GNB4: variants seen among roughly 807,000 people sequenced by gnomAD.
The protein encoded by GNB4 is G protein subunit beta 4.
Under a neutral mutation model 45.2 loss-of-function variants are expected in GNB4, and 28 were observed. The ratio of observed to expected loss-of-function variants is 0.62; its 90% CI spans 0.46 to 0.85. The LOEUF is 0.85. GNB4 is among the 40% of genes least tolerant of loss of function. The pLI, the probability that GNB4 is intolerant of heterozygous loss-of-function variation, is 0.00. For missense variants in GNB4, 321 were observed against 425.4 expected, an observed-to-expected ratio of 0.75 and a Z score of 2.16; for synonymous variants, 132 against 143.7, an observed-to-expected ratio of 0.92 and a Z score of 0.58.
intron 8 of GNB4, among the ~76,000 whole-genome samples, chr3:179,409,787 C>T (rs920074578): frequency 1.5e-5 from 2 of 137,720 alleles, no homozygotes; most frequent in Admixed American, 1.6e-4. Flanking sequence ...TCCAGCCTCG[C>T]AACAGAGCAA....
At chr3:179,524,548 G>A in the GNB4 span, among the ~76,000 whole-genome samples, 1 of 152,142 alleles carries the variant, frequency 6.6e-6, no homozygotes, top group East Asian at 1.9e-4. Flanking sequence ...TTGAAGGCGA[G>A]GTGAATTAAG....
At chr3:179,467,793 T>C in the GNB4 span, among the ~76,000 whole-genome samples, 1 of 151,950 alleles carries the variant, frequency 6.6e-6, no homozygotes, top group Non-Finnish European at 1.5e-5. Flanking sequence ...ATGAAACTGG[T>C]TTTTATCTTC....
intron 1 of GNB4, among the ~76,000 whole-genome samples, chr3:179,447,552 C>A (rs1400918494): frequency 4.6e-5 from 7 of 151,946 alleles, no homozygotes; most frequent in Admixed American, 4.6e-4. Context: ...TGGGTTCTGA[C>A]GACTGAGATA....
chr3:179,480,817 T>C, the GNB4 span, among the ~76,000 whole-genome samples: 107,736 of 150,844 alleles, frequency 0.71, 38,738 homozygotes, highest in East Asian at 0.98. Flanking sequence ...CTAAAATAAT[T>C]AGGACTCAAT....
intron 1 of GNB4, among the ~76,000 whole-genome samples, chr3:179,437,562 C>CA (rs113757674): frequency 0.23 from 34,038 of 145,016 alleles, 4,036 homozygotes; most frequent in East Asian, 0.36. Context: ...AAGTCTATCT[C>CA]AAAAAAAAAA....
chr3:179,407,320 G>A (rs934900808), intron 8 of GNB4, among the ~76,000 whole-genome samples: 9 of 152,086 alleles, frequency 5.9e-5, no homozygotes, highest in East Asian at 1.9e-4. Context: ...TTAGCACAGC[G>A]TGTTGGCGGG....
At chr3:179,439,670 G>C (rs530193478) in intron 1 of GNB4, among the ~76,000 whole-genome samples, 9 of 152,164 alleles carry the variant, frequency 5.9e-5, no homozygotes, top group South Asian at 4.1e-4. Flanking sequence ...TTCTTCTGCT[G>C]TATTTGTCTA....
At chr3:179,459,823 T>G in the GNB4 span, among the ~76,000 whole-genome samples, 18 of 152,304 alleles carry the variant, frequency 1.2e-4, no homozygotes, top group African/African-American at 4.1e-4. Flanking sequence ...AGTAAATGAA[T>G]GCCTCAGAAG....
chr3:179,473,274 T>C, the GNB4 span, among the ~76,000 whole-genome samples: 1 of 146,400 alleles, frequency 6.8e-6, no homozygotes, highest in African/African-American at 2.4e-5. Context: ...AAAGCCCATT[T>C]CTCTTACTGA....
the GNB4 span, among the ~76,000 whole-genome samples, chr3:179,497,475 A>G: frequency 6.6e-6 from 1 of 152,136 alleles, no homozygotes; most frequent in Admixed American, 6.5e-5. Flanking sequence ...CCAAAAGCAT[A>G]GGCAACAAAA....
intron 1 of GNB4, among the ~76,000 whole-genome samples, chr3:179,438,081 G>A (rs201233767): frequency 2.7e-5 from 4 of 146,590 alleles, no homozygotes; most frequent in African/African-American, 9.9e-5. Context: ...CAAAAAAAAA[G>A]AAAAAGAAAA....
At chr3:179,511,448 G>A in the GNB4 span, among the ~76,000 whole-genome samples, 2 of 152,182 alleles carry the variant, frequency 1.3e-5, no homozygotes, top group East Asian at 1.9e-4. Flanking sequence ...TTATTTGACA[G>A]ATGAATACAG....
chr3:179,447,952 C>A (rs1346772868), intron 1 of GNB4, among the ~76,000 whole-genome samples: 4 of 152,084 alleles, frequency 2.6e-5, no homozygotes, highest in African/African-American at 9.7e-5. Context: ...TCCCAGAAGC[C>A]AAGGGGAAAC....
rs1356707581 is a variant in GNB4, at chr3:179,431,039, TATC to T, written c.-42-4800_-42-4798del. On this transcript the variant is annotated intron_variant, in intron 1 of 9. Coordinates refer to ENST00000232564, the MANE Select transcript of GNB4 (RefSeq NM_021629.4). ...AATATCTACCAAACCACAATACTAT[TATC>T]ATAACTACCAAAATTAACAGAAATT... Among the ~76,000 whole-genome samples the T allele has an allele frequency of 2.6e-5, 4 of 152,162 alleles. No homozygotes were observed. In the South Asian group the frequency reaches 6.2e-4, roughly 24 times the overall value.
In GNB4 at chr3:179,413,429, CT is replaced by C; in HGVS notation, c.681del (p.Asp228IlefsTer49). ...MCRQSFTGHV[S>X]DINAVSFFPN... ...TCACTTACACTGACAGCATTGATAT[CT>C]GAGACATGTCCCGTGAAAGACTGTC... On this transcript the variant is annotated frameshift_variant, in exon 8 of 10. Coordinates refer to ENST00000232564, the MANE Select transcript of GNB4 (RefSeq NM_021629.4). LOFTEE classifies it high-confidence loss of function. The C allele has an allele frequency of 6.2e-7, 1 of 1,613,548 alleles. No homozygotes were observed. Among genetic ancestry groups the C allele is most frequent in the Non-Finnish European group, 8.5e-7 (1 of 1,179,582 alleles).
chr3:179,454,713 G>A (rs1715952806), upstream of GNB4, among the ~76,000 whole-genome samples: 1 of 152,130 alleles, frequency 6.6e-6, no homozygotes, highest in Non-Finnish European at 1.5e-5. Flanking sequence ...AGCTATTAAA[G>A]TGTACAATAT....
At chr3:179,401,596 A>G (rs777571476) in intron 9 of GNB4, among the ~76,000 whole-genome samples, 2 of 152,324 alleles carry the variant, frequency 1.3e-5, no homozygotes, top group African/African-American at 4.8e-5. Context: ...TTATAATTCA[A>G]CTTATATCTA....
chr3:179,436,566 G>C (rs1396851586), intron 1 of GNB4, among the ~76,000 whole-genome samples: 1 of 151,144 alleles, frequency 6.6e-6, no homozygotes, highest in African/African-American at 2.5e-5. Context: ...CAACCATAAT[G>C]AATCAGGTAC....
At chr3:179,503,303 C>A in the GNB4 span, among the ~76,000 whole-genome samples, 1 of 151,926 alleles carries the variant, frequency 6.6e-6, no homozygotes, top group East Asian at 1.9e-4. Context: ...TAAGATGGAT[C>A]AATGGATGGA....
Sources: allele counts gnomAD v4.1 joint callset (sites outside exome capture counted in the v4.1 genomes callset), GRCh38; gene constraint gnomAD v4.1.1; transcripts MANE v1.5; gene names NCBI Gene and HGNC (gene_info 2026-07-23, HGNC 2026-07-21).